SRP72: variants seen among roughly 807,000 people sequenced by gnomAD.
SRP72 encodes the protein signal recognition particle subunit SRP72.
SRP72 carries 49 observed loss-of-function variants against 96.3 expected under a neutral mutation model. That is an observed-to-expected ratio of 0.51 (90% CI 0.40 to 0.65). SRP72 has a LOEUF of 0.65. SRP72 is among the 30% of genes least tolerant of loss of function. The pLI, the probability that SRP72 is intolerant of heterozygous loss-of-function variation, is 0.00. For missense variants in SRP72, 736 were observed against 793.3 expected (o/e 0.93, Z 0.87); for synonymous variants, 267 against 275.2 (o/e 0.97, Z 0.30).
intron 9 of SRP72, among the ~76,000 whole-genome samples, chr4:56,484,438 T>C (rs189571858): frequency 6.6e-6 from 1 of 152,308 alleles, no homozygotes; most frequent in Non-Finnish European, 1.5e-5. Flanking sequence ...CAAATGCTTA[T>C]ATTTGATGTG....
In SRP72 at chr4:56,490,420, C is replaced by T. The variant is rs377629543; in HGVS notation, c.1408C>T (p.Leu470=). The T allele has an allele frequency of 6.9e-5, 111 of 1,613,650 alleles. No homozygotes were observed. Among genetic ancestry groups the T allele is most frequent in the Non-Finnish European group, 9.2e-5 (108 of 1,179,912 alleles). ...YGRKKEAISD[L]QQLWKQNPKD... is the part of the protein sequence containing the mutation. The stretch of plus-strand genomic sequence containing the variant: ...GCGGAAGAAGGAGGCAATTAGTGAC[C>T]TACAACAGCTGTGGAAGTAAGCTCT... Residue 470 remains leucine, a synonymous_variant, in exon 14 of 19, where the codon CTA becomes TTA. Coordinates refer to ENST00000642900, the MANE Select transcript of SRP72 (RefSeq NM_006947.4).
chr4:56,494,942 A>T (rs1721026053), intron 16 of SRP72, among the ~76,000 whole-genome samples: 1 of 152,178 alleles, frequency 6.6e-6, no homozygotes, highest in South Asian at 2.1e-4. Flanking sequence ...CCTTCCAGAG[A>T]TATTCTTTGC....
Position 56,502,466 on chromosome 4 carries a change from T to TAC in SRP72, c.*606_*607insCA, listed in dbSNP as rs34859904. On this transcript the variant is annotated 3_prime_UTR_variant, in exon 19 of 19. Transcript: ENST00000642900. ...TGGAATATGGGATACTTTTCATGTT[T>TAC]ATATATATATATATATGTATATATA... 1 of 105,034 alleles carries TAC rather than the reference T, an allele frequency of 9.5e-6. No individual in the cohort carries two copies. Among genetic ancestry groups the TAC allele is most frequent in the Non-Finnish European group, 1.9e-5 (1 of 53,652 alleles). The allele number at this position is 105,034 out of a possible 1,614,324, so 6.5% of individuals were successfully genotyped here.
chr4:56,473,761 G>A (rs185988567), intron 3 of SRP72, among the ~76,000 whole-genome samples: 44 of 149,856 alleles, frequency 2.9e-4, no homozygotes, highest in African/African-American at 9.5e-4. Context: ...GCGAAACTCC[G>A]TCTCAAAAAA....
intron 12 of SRP72, among the ~76,000 whole-genome samples, chr4:56,488,691 T>G (rs1333808480): frequency 6.6e-6 from 1 of 152,208 alleles, no homozygotes; most frequent in Non-Finnish European, 1.5e-5. Context: ...TCCATTTCAT[T>G]TAGGTTGCTG....
intron 17 of SRP72, among the ~76,000 whole-genome samples, chr4:56,496,193 G>GAGGA (rs1393769213): frequency 6.6e-6 from 1 of 152,144 alleles, no homozygotes; most frequent in African/African-American, 2.4e-5. Flanking sequence ...CTGAGGTTTT[G>GAGGA]AGGAATCTAT....
chr4:56,497,115 A>G (rs1470479526), intron 17 of SRP72, among the ~76,000 whole-genome samples: 2 of 152,186 alleles, frequency 1.3e-5, no homozygotes, highest in African/African-American at 2.4e-5. Context: ...TGAACATAAT[A>G]TAATTTGTTT....
chr4:56,496,205 A>G (rs958317361), intron 17 of SRP72, among the ~76,000 whole-genome samples: 2 of 152,202 alleles, frequency 1.3e-5, no homozygotes, highest in African/African-American at 2.4e-5. Flanking sequence ...GGAATCTATC[A>G]TATAAATCAG....
chr4:56,470,789 C>T (rs1383564561), intron 2 of SRP72, among the ~76,000 whole-genome samples: 1 of 148,960 alleles, frequency 6.7e-6, no homozygotes, highest in Non-Finnish European at 1.5e-5. Flanking sequence ...AGAAAAGAGA[C>T]ATTTTCAAAA....
rs1720902588 is a variant in SRP72, at chr4:56,491,435, A to G, written c.1507A>G (p.Ser503Gly). The change falls in exon 16 of 19, where the codon AGT (serine) becomes GGT (glycine). Residue 503 changes from serine (S) to glycine (G), a missense_variant. Transcript: ENST00000642900. ...TGAACTCCTGTTCTATCACAGTCTT[A>G]GTAAACACTTGCCATCGTCAGATAG... The part of the protein sequence containing the change: ...LVDPEKAKAL[S>G]KHLPSSDSMS... 6.2e-7 allele frequency: 1 copy of G among 1,613,698 alleles called. No homozygotes were observed. Among genetic ancestry groups the G allele is most frequent in the Non-Finnish European group, 8.5e-7 (1 of 1,179,836 alleles).
chr4:56,486,729 G>C (rs1297136036), intron 11 of SRP72, among the ~76,000 whole-genome samples: 2 of 152,110 alleles, frequency 1.3e-5, no homozygotes, highest in Non-Finnish European at 2.9e-5. Context: ...TCCGTCACTT[G>C]GTAATATTTG....
intron 6 of SRP72, among the ~76,000 whole-genome samples, chr4:56,478,076 G>C (rs995155384): frequency 6.6e-6 from 1 of 151,166 alleles, no homozygotes; most frequent in Non-Finnish European, 1.5e-5. Context: ...TAATTCTTGG[G>C]CTTTAGAGGA....
At chr4:56,481,089 T>G (rs1025731745) in intron 8 of SRP72, among the ~76,000 whole-genome samples, 4 of 152,182 alleles carry the variant, frequency 2.6e-5, no homozygotes, top group African/African-American at 9.7e-5. Flanking sequence ...ATTGAAGTAT[T>G]AAAATTGCGA....
intron 16 of SRP72, 86 bp downstream of exon 16, chr4:56,491,654 G>A: frequency 7.5e-7 from 1 of 1,335,928 alleles, no homozygotes; most frequent in Non-Finnish European, 1.0e-6. Flanking sequence ...AATTTCATGT[G>A]AATAAAGTTC....
intron 5 of SRP72, among the ~76,000 whole-genome samples, chr4:56,474,848 A>C (rs1023371798): frequency 2.0e-5 from 3 of 152,036 alleles, no homozygotes; most frequent in Non-Finnish European, 2.9e-5. Flanking sequence ...GAAATGCCCA[A>C]CTAATTTTTG....
intron 5 of SRP72, chr4:56,476,263 CAG>C (rs1025460811): frequency 1.5e-5 from 3 of 202,640 alleles, no homozygotes; most frequent in African/African-American, 7.2e-5. Flanking sequence ...GCCTGGGCAA[CAG>C]AGTGAGACCT....
chr4:56,500,991 A>C (rs1387928695), intron 18 of SRP72, among the ~76,000 whole-genome samples: 2 of 152,212 alleles, frequency 1.3e-5, no homozygotes, highest in East Asian at 3.8e-4. Flanking sequence ...CAAGGCAACT[A>C]AATACACTGA....
chr4:56,469,635 C>A lies in SRP72; in HGVS notation c.110-18C>A. 1 of 1,531,282 alleles carries A rather than the reference C, an allele frequency of 6.5e-7. No homozygotes were observed. The allele number at this position is 1,531,282 out of a possible 1,614,324, so 94.9% of individuals were successfully genotyped here. A position where few individuals can be genotyped will look rare whatever the true frequency, so the allele number is the denominator to read the frequency against. ...GGAAATGGATTTAAAAATGACTTTTCCTAAAATTGTTCTCTAGTACTACAG... is the reference window on the plus strand; with the variant it reads ...GGAAATGGATTTAAAAATGACTTTTACTAAAATTGTTCTCTAGTACTACAG... On this transcript the variant is annotated intron_variant, in intron 1 of 18. Coordinates refer to ENST00000642900, the MANE Select transcript of SRP72 (RefSeq NM_006947.4).
At position 56,472,348 on chromosome 4, in the gene SRP72, C is replaced by CTT. The variant is rs11332013; in HGVS notation, c.354+523_354+524dup. 8.9e-5 allele frequency among the ~76,000 whole-genome samples: 11 copies of CTT among 123,044 alleles called. 1 individual carries two copies. Among genetic ancestry groups the CTT allele is most frequent in the Non-Finnish European group, 8.5e-5 (5 of 58,886 alleles). 80.7% of individuals were successfully genotyped at this position (123,044 alleles called of 152,430 possible). A position where few individuals can be genotyped will look rare whatever the true frequency, so the allele number is the denominator to read the frequency against. ...CTAGCAAAACCCTCTTAAAGTTTTT[C>CTT]TTTTTTTTTTTTTTTTTTTAATGGA... On this transcript the variant is annotated intron_variant, in intron 3 of 18. Transcript: ENST00000642900.
Sources: allele counts gnomAD v4.1 joint callset (sites outside exome capture counted in the v4.1 genomes callset), GRCh38; gene constraint gnomAD v4.1.1; transcripts MANE v1.5; gene names NCBI Gene and HGNC (gene_info 2026-07-23, HGNC 2026-07-21).